The following GNA12 variants were observed in gnomAD, a reference collection of about 807,000 sequenced individuals.
The protein encoded by GNA12 is guanine nucleotide-binding protein subunit alpha-12.
A neutral mutation model predicts 26.0 loss-of-function variants in GNA12; 9 were observed. The observed-to-expected ratio is 0.35, with a 90% CI of 0.21 to 0.60. The LOEUF (loss-of-function observed/expected upper bound fraction) is 0.60. Among genes scored for constraint, GNA12 ranks in the 20% least tolerant of loss-of-function variants. The pLI, the probability that GNA12 is intolerant of heterozygous loss-of-function variation, is 0.78. For missense variants in GNA12, 405 were observed against 525.8 expected (o/e 0.77, Z 2.25); for synonymous variants, 264 against 219.6 (o/e 1.20, Z -1.79).
chr7:2,764,473 C>G (rs1458359120), intron 2 of GNA12: 1 of 152,154 alleles, frequency 6.6e-6, no homozygotes, highest in Admixed American at 6.6e-5. Flanking sequence ...GTTCAATTAC[C>G]TGAATCCTCT....
At chr7:2,769,151 G>A (rs917717659) in intron 2 of GNA12, among the ~76,000 whole-genome samples, 2 of 152,096 alleles carry the variant, frequency 1.3e-5, no homozygotes, top group Non-Finnish European at 2.9e-5. Context: ...TGATCCAACC[G>A]TCTTGGCCTC....
At chr7:2,835,007 A>G (rs1778795314) in intron 1 of GNA12, among the ~76,000 whole-genome samples, 1 of 152,198 alleles carries the variant, frequency 6.6e-6, no homozygotes, top group African/African-American at 2.4e-5. Context: ...ATCTGCATAT[A>G]AGACAAGTCT....
rs559789504 is a variant in GNA12 at position 2,764,679 on chromosome 7, C to T, written c.525+30249G>A. 3.3e-4 allele frequency: 51 copies of T among 152,316 alleles called. 2 individuals are homozygous for T. The highest frequency in any genetic ancestry group is 3.1e-3 in the Admixed American group (47 of 15,298). 9.4% of individuals were successfully genotyped at this position (152,316 alleles called of 1,614,324 possible). The stretch of plus-strand genomic sequence containing the variant: ...GAGGTGGGGTTCTGTCTGAATGCAT[C>T]TGAGTTTTGCTTTATTTCTCTGTAA... On this transcript the variant is annotated intron_variant, in intron 2 of 3. Coordinates refer to ENST00000275364, the MANE Select transcript of GNA12 (RefSeq NM_007353.3).
intron 1 of GNA12, among the ~76,000 whole-genome samples, chr7:2,841,504 C>G (rs1165992222): frequency 2.0e-5 from 3 of 152,124 alleles, no homozygotes; most frequent in African/African-American, 7.2e-5. Flanking sequence ...CACAGACGCT[C>G]CCAGTGAGCT....
chr7:2,762,695 G>A (rs554278462), intron 2 of GNA12: 5 of 1,575,938 alleles, frequency 3.2e-6, no homozygotes, highest in African/African-American at 1.3e-5. Flanking sequence ...CACGCTGCCC[G>A]GGTGGAGGAG....
chr7:2,731,822 G>A lies in GNA12; in HGVS notation c.577-72C>T. 2.5e-6 allele frequency: 2 copies of A among 785,262 alleles called. No homozygotes were observed. Among genetic ancestry groups the A allele is most frequent in the Non-Finnish European group, 3.8e-6 (2 of 527,958 alleles). The allele number at this position is 785,262 out of a possible 1,614,324, so 48.6% of individuals were successfully genotyped here. A position where few individuals can be genotyped will look rare whatever the true frequency, so the allele number is the denominator to read the frequency against. On this transcript the variant is annotated intron_variant, in intron 3 of 3. Transcript: ENST00000275364. This position sits in a 1 kb window ranked among gnomAD's most constrained non-coding sequence, Gnocchi z 6.0. ...ACAGAGAAAATAGAAACAAAAAGAT[G>A]GCAAAAAGATAAGAAGGAAAGAGAC...
At chr7:2,742,314 C>A (rs1191271955) in intron 2 of GNA12, among the ~76,000 whole-genome samples, 1 of 152,102 alleles carries the variant, frequency 6.6e-6, no homozygotes, top group Non-Finnish European at 1.5e-5. Flanking sequence ...CCACGCCCAG[C>A]CTACACTGAG....
chr7:2,816,240 C>CTTTTTTTTTT (rs71026563), intron 1 of GNA12, among the ~76,000 whole-genome samples: 1,494 of 148,348 alleles, frequency 0.01, 24 homozygotes, highest in African/African-American at 0.034. Flanking sequence ...TCACCAAATC[C>CTTTTTTTTTT]TTTTTTTTTG....
rs575908670 is a variant in GNA12, at chr7:2,760,953, C to T, written c.526-27452G>A. Among the ~76,000 whole-genome samples, 256 of 152,336 alleles carry T rather than the reference C, an allele frequency of 1.7e-3. 1 individual carries two copies. The highest frequency in any genetic ancestry group is 3.0e-3 in the Non-Finnish European group (201 of 68,036). On this transcript the variant is annotated intron_variant, in intron 2 of 3. Coordinates refer to ENST00000275364, the MANE Select transcript of GNA12 (RefSeq NM_007353.3). ...CCTTCCCCACTCCAGCTCCCCCTGT[C>T]CTTCCCACAGTCTTGACGAAGTTGC...
At chr7:2,841,563 C>G (rs1365288256) in intron 1 of GNA12, among the ~76,000 whole-genome samples, 2 of 151,464 alleles carry the variant, frequency 1.3e-5, no homozygotes, top group South Asian at 2.1e-4. Context: ...GACCAGAGCT[C>G]TGACGCACCG....
chr7:2,735,041 C>A (rs554269269), intron 2 of GNA12, among the ~76,000 whole-genome samples: 4 of 152,196 alleles, frequency 2.6e-5, no homozygotes, highest in African/African-American at 9.7e-5. Flanking sequence ...CAAGTCCCCC[C>A]GGTCCTCTGC....
At chr7:2,819,762 C>G (rs758227228) in intron 1 of GNA12, among the ~76,000 whole-genome samples, 1 of 152,144 alleles carries the variant, frequency 6.6e-6, no homozygotes, top group Non-Finnish European at 1.5e-5. Flanking sequence ...CACGGTTAGA[C>G]CCCAAAGACG....
At chr7:2,736,028 G>A (rs988606425) in intron 2 of GNA12, among the ~76,000 whole-genome samples, 6 of 152,292 alleles carry the variant, frequency 3.9e-5, no homozygotes, top group African/African-American at 1.4e-4. Context: ...TGCTGATTGG[G>A]CACGCAGCCC....
intron 2 of GNA12, among the ~76,000 whole-genome samples, chr7:2,787,248 C>T (rs954663993): frequency 5.9e-5 from 9 of 152,290 alleles, no homozygotes; most frequent in African/African-American, 1.4e-4. Flanking sequence ...CCTCCGTCAC[C>T]GTCACCTACA....
intron 2 of GNA12, among the ~76,000 whole-genome samples, chr7:2,779,155 T>G (rs1014767987): frequency 6.6e-6 from 1 of 152,070 alleles, no homozygotes; most frequent in African/African-American, 2.4e-5. Context: ...GCCCAGGAGT[T>G]TGACCCCAGC....
In GNA12 at chr7:2,733,543, G is replaced by A. The variant is rs1163156416; in HGVS notation, c.526-42C>T. 3.3e-6 allele frequency: 5 copies of A among 1,521,752 alleles called. No individual in the cohort carries two copies. In the Admixed American group the frequency reaches 5.0e-5, roughly 15 times the overall value. 94.3% of individuals were successfully genotyped at this position (1,521,752 alleles called of 1,614,324 possible). A position where few individuals can be genotyped will look rare whatever the true frequency, so the allele number is the denominator to read the frequency against. ...ATATTCACAGCTCAGTCTGGACTGA[G>A]GAATCCTGATGTGGCAAATACAAGA... On this transcript the variant is annotated intron_variant, in intron 2 of 3. Coordinates refer to ENST00000275364, the MANE Select transcript of GNA12 (RefSeq NM_007353.3).
At chr7:2,745,179 A>G (rs555170637) in intron 2 of GNA12, among the ~76,000 whole-genome samples, 1 of 152,190 alleles carries the variant, frequency 6.6e-6, no homozygotes, top group South Asian at 2.1e-4. Flanking sequence ...CACCACAAAG[A>G]TACTCCTTGA....
At chr7:2,831,952 T>C (rs921427475) in intron 1 of GNA12, among the ~76,000 whole-genome samples, 96 of 152,338 alleles carry the variant, frequency 6.3e-4, no homozygotes, top group African/African-American at 2.3e-3. Context: ...CCTGGAATAC[T>C]GTGTATCTTG....
chr7:2,733,843 C>G (rs540922494), intron 2 of GNA12, among the ~76,000 whole-genome samples: 2 of 152,324 alleles, frequency 1.3e-5, no homozygotes, highest in South Asian at 4.1e-4. Context: ...ATGCGGCCAG[C>G]AAAGGACAGG....
Sources: gnomAD v4.1 joint callset for allele counts (sites outside exome capture counted in the v4.1 genomes callset) on GRCh38, gnomAD v4.1.1 for gene constraint, Gnocchi (gnomAD v3.1) non-coding constraint, MANE v1.5 for transcripts, NCBI Gene and HGNC (gene_info 2026-07-23, HGNC 2026-07-21) for gene names.